The following RYR3 variants were observed in gnomAD, a reference collection of about 807,000 sequenced individuals.
The protein encoded by RYR3 is ryanodine receptor 3, also known as brain ryanodine receptor-calcium release channel.
RYR3 carries 207 observed loss-of-function variants against 584.3 expected under a neutral mutation model. That is an observed-to-expected ratio of 0.35 (90% CI 0.32 to 0.40). The LOEUF (loss-of-function observed/expected upper bound fraction) is 0.40. Among genes scored for constraint, RYR3 ranks in the 10% least tolerant of loss-of-function variants. RYR3 has a pLI of 1.00. For synonymous variants in RYR3, 2,416 were observed against 2,248.5 expected, an observed-to-expected ratio of 1.07 and a Z score of -2.11; for missense variants, 5,616 against 6,089.2, an observed-to-expected ratio of 0.92 and a Z score of 2.59.
At chr15:33,552,153 G>A (rs945293672) in intron 10 of RYR3, among the ~76,000 whole-genome samples, 12 of 152,124 alleles carry the variant, frequency 7.9e-5, no homozygotes, top group Admixed American at 6.5e-4. Flanking sequence ...AGGATCAGGC[G>A]GCCTTCCAGG....
At chr15:33,395,964 A>G (rs1464208111) in intron 1 of RYR3, among the ~76,000 whole-genome samples, 2 of 152,168 alleles carry the variant, frequency 1.3e-5, no homozygotes, top group Non-Finnish European at 2.9e-5. Flanking sequence ...AAACCCACGC[A>G]TACAGAGGGC....
At chr15:33,603,758 G>A (rs2059782632) in intron 18 of RYR3, among the ~76,000 whole-genome samples, 1 of 152,198 alleles carries the variant, frequency 6.6e-6, no homozygotes, top group South Asian at 2.1e-4. Flanking sequence ...TGACAAACGT[G>A]TAAACAGAAG....
chr15:33,338,587 T>C (rs1015102272), intron 1 of RYR3, among the ~76,000 whole-genome samples: 2 of 152,132 alleles, frequency 1.3e-5, no homozygotes, highest in African/African-American at 4.8e-5. Flanking sequence ...GGAATTTCCT[T>C]GTGGGCAAAA....
intron 27 of RYR3, among the ~76,000 whole-genome samples, chr15:33,642,906 T>C (rs2061909461): frequency 6.6e-6 from 1 of 152,222 alleles, no homozygotes; most frequent in Non-Finnish European, 1.5e-5. Context: ...ACATTCTCTT[T>C]CATTTAGACA....
At chr15:33,865,050 A>G in intron 103 of RYR3, 81 bp from the exon 104 acceptor site, 1 of 996,928 alleles carries the variant, frequency 1.0e-6, no homozygotes, top group Non-Finnish European at 1.6e-6. Context: ...TCCTAAAGGG[A>G]GCCACAAAGA....
In RYR3 at chr15:33,722,783, C is replaced by T. The variant is rs777440560; in HGVS notation, c.6688C>T (p.Pro2230Ser). 6.2e-7 allele frequency: 1 copy of T among 1,613,374 alleles called. No individual in the cohort carries two copies. Among genetic ancestry groups the T allele is most frequent in the Non-Finnish European group, 8.5e-7 (1 of 1,179,666 alleles). Residue 2230 changes from proline to serine, a missense_variant, in exon 44 of 104, where the codon CCG becomes TCG. Physicochemically the swap from Pro to Ser is moderately conservative, Grantham distance 74. Coordinates refer to ENST00000634891, the MANE Select transcript of RYR3 (RefSeq NM_001036.6). Reference protein sequence around the residue: ...LLIRRPECFGPALRGEGGNGL... With the variant: ...LLIRRPECFGSALRGEGGNGL... ...CATCAGACGCCCAGAGTGCTTCGGC[C>T]CGGCCCTGCGGGGTGAGGGGGGAAA...
At chr15:33,817,012 G>A (rs142933481) in intron 75 of RYR3, 54 bp downstream of exon 75, 24 of 1,051,430 alleles carry the variant, frequency 2.3e-5, no homozygotes, top group Admixed American at 2.0e-4. Flanking sequence ...TTTGATTTTC[G>A]AATTCATGTG....
At chr15:33,496,807 T>TG (rs1250551563) in intron 2 of RYR3, among the ~76,000 whole-genome samples, 1 of 152,158 alleles carries the variant, frequency 6.6e-6, no homozygotes, top group African/African-American at 2.4e-5. Context: ...ACATCATCCC[T>TG]GGGAAAGTTC....
intron 12 of RYR3, among the ~76,000 whole-genome samples, chr15:33,576,504 T>C (rs184972124): frequency 6.6e-6 from 1 of 152,212 alleles, no homozygotes; most frequent in East Asian, 1.9e-4. Flanking sequence ...TAAACAGAAC[T>C]AAAGACAAAA....
chr15:33,740,652 T>C (rs892864669), intron 51 of RYR3, among the ~76,000 whole-genome samples: 3 of 152,224 alleles, frequency 2.0e-5, no homozygotes, highest in African/African-American at 7.2e-5. Context: ...GTTATGAATA[T>C]GCGCTGTAGG....
intron 76 of RYR3, 125 bp downstream of exon 76, chr15:33,818,809 G>C (rs1428297684): frequency 1.5e-6 from 1 of 681,738 alleles, no homozygotes; most frequent in East Asian, 2.7e-5. Context: ...CCTCCTTGCT[G>C]CCTTATATTT....
At chr15:33,757,169 T>C (rs993897782) in intron 59 of RYR3, among the ~76,000 whole-genome samples, 1 of 152,162 alleles carries the variant, frequency 6.6e-6, no homozygotes, top group Non-Finnish European at 1.5e-5. Context: ...GAGTGCCTCT[T>C]AGATGCAGCG....
intron 1 of RYR3, among the ~76,000 whole-genome samples, chr15:33,434,593 A>G (rs771678407): frequency 2.6e-5 from 4 of 152,158 alleles, no homozygotes; most frequent in Non-Finnish European, 5.9e-5. Context: ...AATATCTAGT[A>G]CCCATATGTA....
chr15:33,463,907 G>T (rs1341526682), intron 1 of RYR3, among the ~76,000 whole-genome samples: 8 of 152,180 alleles, frequency 5.3e-5, no homozygotes, highest in Non-Finnish European at 1.2e-4. Context: ...AACAATTCCA[G>T]ATGAGACCAA....
At chr15:33,779,229 CTTTTTTTTTCTTTTT>C (rs1234574455) in intron 64 of RYR3, among the ~76,000 whole-genome samples, 1 of 149,816 alleles carries the variant, frequency 6.7e-6, no homozygotes, top group African/African-American at 2.4e-5. Flanking sequence ...CTTTTCTTTT[CTTTTTTTTTCTTTTT>C]GAGTTGGAGT....
chr15:33,807,031 A>G (rs1022316860), intron 69 of RYR3, among the ~76,000 whole-genome samples: 2 of 151,782 alleles, frequency 1.3e-5, no homozygotes, highest in Non-Finnish European at 2.9e-5. Context: ...GATGACAGGC[A>G]TGAGCCACTG....
At chr15:33,381,128 A>T (rs936673287) in intron 1 of RYR3, among the ~76,000 whole-genome samples, 2 of 152,306 alleles carry the variant, frequency 1.3e-5, no homozygotes, top group African/African-American at 4.8e-5. Context: ...TAGGCTTGTT[A>T]CTGCCGAGAT....
At chr15:33,862,380 T>C (rs898902782) in intron 102 of RYR3, among the ~76,000 whole-genome samples, 1 of 151,998 alleles carries the variant, frequency 6.6e-6, no homozygotes, top group African/African-American at 2.4e-5. Flanking sequence ...AGCTAATTTT[T>C]TTTTTTGGTA....
At chr15:33,756,195 TCAGATAGCC>T in intron 58 of RYR3, 102 bp from the exon 59 acceptor site, 1 of 750,480 alleles carries the variant, frequency 1.3e-6, no homozygotes, top group East Asian at 2.7e-5. Flanking sequence ...TTTTGTGAAA[TCAGATAGCC>T]TTTTTAAATA....
Sources: gnomAD v4.1 joint callset for allele counts (sites outside exome capture counted in the v4.1 genomes callset) on GRCh38, gnomAD v4.1.1 for gene constraint, MANE v1.5 for transcripts, NCBI Gene and HGNC (gene_info 2026-07-23, HGNC 2026-07-21) for gene names.